SLC25A42: variants seen among roughly 807,000 people sequenced by gnomAD.
The protein encoded by SLC25A42 is solute carrier family 25 member 42.
SLC25A42 carries 19 observed loss-of-function variants against 34.7 expected under a neutral mutation model. The observed-to-expected ratio is 0.55, with a 90% CI of 0.38 to 0.80. The LOEUF (loss-of-function observed/expected upper bound fraction) is 0.80. SLC25A42 is among the 30% of genes least tolerant of loss of function. The pLI is 0.00. For missense variants in SLC25A42, 364 were observed against 441.3 expected (o/e 0.82, Z 1.57); for synonymous variants, 205 against 191.2 (o/e 1.07, Z -0.59).
chr19:19,079,629 C>T (rs139411400), intron 1 of SLC25A42, among the ~76,000 whole-genome samples: 35 of 152,268 alleles, frequency 2.3e-4, no homozygotes, highest in African/African-American at 6.0e-4. Context: ...GTCTGTCATG[C>T]GAACATTTTG....
At chr19:19,082,417 C>A (rs1366356891) in intron 1 of SLC25A42, among the ~76,000 whole-genome samples, 2 of 152,236 alleles carry the variant, frequency 1.3e-5, no homozygotes, top group Non-Finnish European at 2.9e-5. Context: ...CTTGCTCCAT[C>A]ACCCAGGCTG....
intron 1 of SLC25A42, chr19:19,095,863 C>A: frequency 3.5e-6 from 2 of 567,140 alleles, no homozygotes; most frequent in South Asian, 3.6e-5. Context: ...TCCCTGGGCA[C>A]CAGATTTGGA....
At chr19:19,097,268 A>T (rs2059770654) in intron 2 of SLC25A42, among the ~76,000 whole-genome samples, 1 of 152,100 alleles carries the variant, frequency 6.6e-6, no homozygotes, top group Non-Finnish European at 1.5e-5. Flanking sequence ...AGGCCTCCCG[A>T]CCTTTCCCCG....
chr19:19,104,742 T>A (rs1364519200), intron 3 of SLC25A42, among the ~76,000 whole-genome samples, 171 bp from the exon 4 acceptor site: 1 of 152,096 alleles, frequency 6.6e-6, no homozygotes, highest in Non-Finnish European at 1.5e-5. Flanking sequence ...CTCCTCTCAA[T>A]GGAGACCCTC....
intron 1 of SLC25A42, among the ~76,000 whole-genome samples, chr19:19,082,819 T>A (rs536463669): frequency 1.0e-3 from 152 of 151,936 alleles, no homozygotes; most frequent in South Asian, 1.5e-3. Context: ...ACTAATTTTT[T>A]TTTTGTTGTT....
intron 1 of SLC25A42, among the ~76,000 whole-genome samples, chr19:19,089,782 T>C (rs1406980388): frequency 6.6e-6 from 1 of 151,788 alleles, no homozygotes; most frequent in Non-Finnish European, 1.5e-5. Context: ...GGCAGGAGAA[T>C]CACTTGAACC....
intron 1 of SLC25A42, among the ~76,000 whole-genome samples, chr19:19,072,987 A>G (rs10423467): frequency 0.012 from 1,844 of 152,194 alleles, 52 homozygotes; most frequent in African/African-American, 0.042. Flanking sequence ...TACAGGTGTG[A>G]CCCACTGTAT....
At chr19:19,084,687 C>A (rs1222119758) in intron 1 of SLC25A42, among the ~76,000 whole-genome samples, 2 of 152,108 alleles carry the variant, frequency 1.3e-5, no homozygotes, top group African/African-American at 4.8e-5. Flanking sequence ...TTGACAGAGG[C>A]CCCTGGCTGA....
intron 1 of SLC25A42, among the ~76,000 whole-genome samples, chr19:19,085,506 C>G (rs1244408983): frequency 6.6e-6 from 1 of 152,024 alleles, no homozygotes; most frequent in Non-Finnish European, 1.5e-5. Flanking sequence ...CTCAGCCTCC[C>G]GAGTAGCTGG....
intron 1 of SLC25A42, among the ~76,000 whole-genome samples, chr19:19,078,583 C>T (rs559638127): frequency 2.2e-4 from 33 of 152,268 alleles, no homozygotes; most frequent in East Asian, 7.7e-4. Context: ...CGAGCATGTA[C>T]GCAGCAAGCA....
At chr19:19,078,569 G>A (rs543247985) in intron 1 of SLC25A42, among the ~76,000 whole-genome samples, 9 of 152,156 alleles carry the variant, frequency 5.9e-5, no homozygotes, top group African/African-American at 9.7e-5. Context: ...GAGCATGTAC[G>A]CAGCGAGCAT....
rs1380185040 is a variant in SLC25A42, at chr19:19,112,613, G to A, written c.*1737G>A. The A allele has an allele frequency of 6.6e-6, 1 of 152,568 alleles. No homozygotes were observed. The highest frequency in any genetic ancestry group is 1.5e-5 in the Non-Finnish European group (1 of 68,178). The allele number at this position is 152,568 out of a possible 1,614,324, so 9.5% of individuals were successfully genotyped here. A position where few individuals can be genotyped will look rare whatever the true frequency, so the allele number is the denominator to read the frequency against. Reference sequence around the variant, plus strand: ...GCTAGGCAGGAGAGACAAGGGGTAGGTGGGAGGGTCCCCCAGTCCCTGCTG... The same window carrying A: ...GCTAGGCAGGAGAGACAAGGGGTAGATGGGAGGGTCCCCCAGTCCCTGCTG... On this transcript the variant is annotated 3_prime_UTR_variant, in exon 8 of 8. Coordinates refer to ENST00000318596, the MANE Select transcript of SLC25A42 (RefSeq NM_178526.5). This position sits in a 1 kb window ranked among gnomAD's most constrained non-coding sequence, Gnocchi z 4.3.
At chr19:19,069,404 G>A (rs1384689023) in intron 1 of SLC25A42, among the ~76,000 whole-genome samples, 1 of 152,170 alleles carries the variant, frequency 6.6e-6, no homozygotes, top group Non-Finnish European at 1.5e-5. Flanking sequence ...GTTTCCCGTG[G>A]CTGCCATAAT....
chr19:19,106,324 G>T lies in SLC25A42; in HGVS notation c.436G>T (p.Ala146Ser). ...FAGALAGTTA[A>S]SLTYPLDLVR... ...CGGCGCACTGGCTGGAACGACAGCCGCTTCACTGACCTACCCCCTGGACCT... is the reference window on the plus strand; with the variant it reads ...CGGCGCACTGGCTGGAACGACAGCCTCTTCACTGACCTACCCCCTGGACCT... The change falls in exon 6 of 8, where the codon GCT (alanine) becomes TCT (serine). Residue 146 changes from alanine (A) to serine (S), a missense_variant. Physicochemically the swap from Ala to Ser is moderately conservative, Grantham distance 99. Coordinates refer to ENST00000318596, the MANE Select transcript of SLC25A42 (RefSeq NM_178526.5). The T allele has an allele frequency of 6.2e-7, 1 of 1,613,542 alleles. No homozygotes were observed.
At chr19:19,108,080 C>T in intron 7 of SLC25A42, 35 bp downstream of exon 7, 1 of 1,527,236 alleles carries the variant, frequency 6.5e-7, no homozygotes, top group Non-Finnish European at 8.8e-7. Context: ...AGGGGACGTT[C>T]AGGAAGCATT....
intron 6 of SLC25A42, 123 bp from the exon 7 acceptor site, chr19:19,107,770 GA>G (rs1304680963): frequency 4.4e-6 from 4 of 899,836 alleles, no homozygotes; most frequent in Non-Finnish European, 6.9e-6. Context: ...GAAGAAGAAG[GA>G]AAACATCAAC....
rs148838037 is a variant in SLC25A42 at position 19,083,014 on chromosome 19, G to A, written c.-34-13077G>A. Among the ~76,000 whole-genome samples, 141 of 151,984 alleles carry A rather than the reference G, an allele frequency of 9.3e-4. 2 individuals are homozygous for A. The highest frequency in any genetic ancestry group is 7.0e-3 in the East Asian group (36 of 5,152). On this transcript the variant is annotated intron_variant, in intron 1 of 7. Transcript: ENST00000318596. ...TTTTTGTATTTTTAGGAGAGGTGAGGTTTCACCATGTTGGCCAGGATGGTC... is the reference window on the plus strand; with the variant it reads ...TTTTTGTATTTTTAGGAGAGGTGAGATTTCACCATGTTGGCCAGGATGGTC...
At chr19:19,080,001 A>G (rs2059673117) in intron 1 of SLC25A42, among the ~76,000 whole-genome samples, 1 of 152,166 alleles carries the variant, frequency 6.6e-6, no homozygotes, top group African/African-American at 2.4e-5. Flanking sequence ...GCCCCATCTA[A>G]CATTCCCAGC....
chr19:19,076,795 T>TGGCTCCTTCCTGCCCCCTCCC (rs1300436663), intron 1 of SLC25A42, among the ~76,000 whole-genome samples: 12 of 152,250 alleles, frequency 7.9e-5, no homozygotes, highest in Non-Finnish European at 1.5e-5. Context: ...AGCCCCCAGC[T>TGGCTCCTTCCTGCCCCCTCCC]GGCTCCTTCC....
Sources: allele counts gnomAD v4.1 joint callset (sites outside exome capture counted in the v4.1 genomes callset), GRCh38; gene constraint gnomAD v4.1.1; non-coding constraint Gnocchi (gnomAD v3.1); transcripts MANE v1.5; gene names NCBI Gene and HGNC (gene_info 2026-07-23, HGNC 2026-07-21).